Variants in MYT1L observed in about 807,000 individuals in gnomAD.
MYT1L encodes the protein myelin transcription factor 1 like.
Under a neutral mutation model 126.7 loss-of-function variants are expected in MYT1L, and 12 were observed. The observed-to-expected ratio is 0.09, with a 90% confidence interval of 0.06 to 0.15. The LOEUF (loss-of-function observed/expected upper bound fraction) is 0.15, where lower values mean the gene tolerates loss of function less well. MYT1L is among the 10% of genes least tolerant of loss of function. The probability of loss-of-function intolerance (pLI) is 1.00; values close to 1 mark genes in which losing one functional copy is unlikely to be tolerated. For missense variants in MYT1L, 979 were observed against 1,585.2 expected, an observed-to-expected ratio of 0.62 and a Z score of 6.49; for synonymous variants, 541 against 604.2, an observed-to-expected ratio of 0.90 and a Z score of 1.53.
intron 2 of MYT1L, among the ~76,000 whole-genome samples, chr2:2,241,179 A>T (rs551226924): frequency 6.6e-6 from 1 of 152,328 alleles, no homozygotes; most frequent in African/African-American, 2.4e-5. Context: ...CATAGGTGCT[A>T]TAACCGCACG....
intron 2 of MYT1L, among the ~76,000 whole-genome samples, chr2:2,196,398 A>G (rs953515652): frequency 6.6e-6 from 1 of 152,062 alleles, no homozygotes; most frequent in Non-Finnish European, 1.5e-5. Context: ...CCAGAGATAC[A>G]TGTAGACATG....
Position 1,806,587 on chromosome 2 carries a change from T to C in MYT1L, c.3172+2489A>G, listed in dbSNP as rs1184240772. 6.6e-6 allele frequency among the ~76,000 whole-genome samples: 1 copy of C among 152,174 alleles called. No individual in the cohort carries two copies. The highest frequency in any genetic ancestry group is 2.4e-5 in the African/African-American group (1 of 41,442). On this transcript the variant is annotated intron_variant, in intron 22 of 24. Transcript: ENST00000647738. The surrounding 1 kb of genome is among the most constrained non-coding windows in gnomAD (Gnocchi z 4.9). ...CCGAGTTAGCACCTGTTTTTGTGAA[T>C]TAACTCCTTGTGTGCAGCAGTAATA...
At chr2:1,896,938 T>A (rs1288591135) in intron 14 of MYT1L, among the ~76,000 whole-genome samples, 1 of 152,228 alleles carries the variant, frequency 6.6e-6, no homozygotes, top group Non-Finnish European at 1.5e-5. Context: ...AAAATGTAGA[T>A]GTGACGATGC....
chr2:2,298,053 C>T lies in MYT1L; in HGVS notation c.-520-13550G>A, dbSNP rs144867816. The stretch of plus-strand genomic sequence containing the variant: ...CACAAAATACCCTTAACTTGCTCAG[C>T]CCCTGGTGCCCTAACAAAGCTATGC... On this transcript the variant is annotated intron_variant, in intron 1 of 24. Coordinates refer to ENST00000647738, the MANE Select transcript of MYT1L (RefSeq NM_001303052.2). Among the ~76,000 whole-genome samples, 1,202 of 152,352 alleles carry T rather than the reference C, an allele frequency of 7.9e-3. 11 individuals carry two copies. Among genetic ancestry groups the T allele is most frequent in the South Asian group, 0.029 (139 of 4,822 alleles).
Position 1,910,196 on chromosome 2 carries a change from A to C in MYT1L, c.1817+44T>G. Reference sequence around the variant, plus strand: ...TCCCCAGCGCTCCGAGGTGTGGGGCAGACTATGGATAGAGCTCACGGATGG... The same window carrying C: ...TCCCCAGCGCTCCGAGGTGTGGGGCCGACTATGGATAGAGCTCACGGATGG... On this transcript the variant is annotated intron_variant, in intron 13 of 24. Coordinates refer to ENST00000647738, the MANE Select transcript of MYT1L (RefSeq NM_001303052.2). This position sits in a 1 kb window ranked among gnomAD's most constrained non-coding sequence, Gnocchi z 4.8. 1 of 1,560,298 alleles carries C rather than the reference A, an allele frequency of 6.4e-7. No individual in the cohort carries two copies. Among genetic ancestry groups the C allele is most frequent in the Non-Finnish European group, 8.8e-7 (1 of 1,135,856 alleles).
chr2:2,313,257 GCT>G (rs1470418729), intron 1 of MYT1L, among the ~76,000 whole-genome samples: 2 of 140,418 alleles, frequency 1.4e-5, no homozygotes, highest in Non-Finnish European at 3.2e-5. Context: ...GAAGATCTCA[GCT>G]GATAAAAAAA....
chr2:1,971,592 G>A (rs1298236052), intron 8 of MYT1L, among the ~76,000 whole-genome samples: 3 of 152,092 alleles, frequency 2.0e-5, no homozygotes, highest in African/African-American at 4.8e-5. Flanking sequence ...TTAGCCAGGC[G>A]TGGTGGCATG....
intron 3 of MYT1L, among the ~76,000 whole-genome samples, chr2:2,095,562 G>A (rs919965635): frequency 1.3e-5 from 2 of 151,710 alleles, no homozygotes; most frequent in South Asian, 2.1e-4. Context: ...CTGTGGCCGC[G>A]GGGGGTCACT....
chr2:1,809,358 G>A (rs1414363320), intron 21 of MYT1L, among the ~76,000 whole-genome samples, 191 bp from the exon 22 acceptor site: 1 of 152,200 alleles, frequency 6.6e-6, no homozygotes, highest in Non-Finnish European at 1.5e-5. Context: ...GTGCATGTGT[G>A]TGCACTCATG....
chr2:1,979,818 T>C lies in MYT1L; in HGVS notation c.1-41A>G, dbSNP rs1195239060. ...CAGCCATCAATGTGCTTATCCTGCC[T>C]GTGCAGGCCAGCCCTGCAGGGGCGG... On this transcript the variant is annotated intron_variant, in intron 5 of 24. Coordinates refer to ENST00000647738, the MANE Select transcript of MYT1L (RefSeq NM_001303052.2). This position sits in a 1 kb window ranked among gnomAD's most constrained non-coding sequence, Gnocchi z 4.0. 19 of 1,605,456 alleles carry C rather than the reference T, an allele frequency of 1.2e-5. No homozygotes were observed. In the Admixed American group the frequency reaches 3.0e-4, roughly 25 times the overall value.
At chr2:2,080,976 A>C (rs1325188883) in intron 3 of MYT1L, among the ~76,000 whole-genome samples, 2 of 152,220 alleles carry the variant, frequency 1.3e-5, no homozygotes, top group African/African-American at 4.8e-5. Flanking sequence ...AGAGACAAAA[A>C]GTGGACTGTA....
At position 1,848,341 on chromosome 2, in the gene MYT1L, A is replaced by T. The variant is rs1308073563; in HGVS notation, c.2774+3300T>A. Among the ~76,000 whole-genome samples, 1 of 65,868 alleles carries T rather than the reference A, an allele frequency of 1.5e-5. No individual in the cohort carries two copies. The highest frequency in any genetic ancestry group is 2.9e-5 in the Non-Finnish European group (1 of 34,868). The allele number at this position is 65,868 out of a possible 152,430, so 43.2% of individuals were successfully genotyped here. A position where few individuals can be genotyped will look rare whatever the true frequency, so the allele number is the denominator to read the frequency against. ...GAGGAAGAATTCCAGACACCACGGA[A>T]GCGCGAGGCGTTTGTCCTGGGAGCA... On this transcript the variant is annotated intron_variant, in intron 19 of 24. Transcript: ENST00000647738. The surrounding 1 kb of genome is among the most constrained non-coding windows in gnomAD (Gnocchi z 4.8).
intron 2 of MYT1L, among the ~76,000 whole-genome samples, chr2:2,257,315 AC>A (rs1265153631): frequency 6.6e-6 from 1 of 152,172 alleles, no homozygotes; most frequent in African/African-American, 2.4e-5. Context: ...GAAATGACTG[AC>A]GGTTTTCTCT....
intron 5 of MYT1L, among the ~76,000 whole-genome samples, chr2:1,987,769 C>T (rs972949748): frequency 1.3e-5 from 2 of 152,150 alleles, no homozygotes; most frequent in South Asian, 2.1e-4. Flanking sequence ...AGAAGCCAGA[C>T]CTCAGTTGAT....
At chr2:2,068,091 T>G (rs1194342045) in intron 3 of MYT1L, among the ~76,000 whole-genome samples, 1 of 152,090 alleles carries the variant, frequency 6.6e-6, no homozygotes, top group African/African-American at 2.4e-5. Flanking sequence ...CGGGGCCTGC[T>G]CACACGTGAA....
chr2:1,885,795 C>A (rs978478679), intron 18 of MYT1L, among the ~76,000 whole-genome samples: 1 of 152,186 alleles, frequency 6.6e-6, no homozygotes, highest in African/African-American at 2.4e-5. Flanking sequence ...TGCACCTGCA[C>A]GTATGCTCTC....
chr2:2,267,267 G>C (rs191181561), intron 2 of MYT1L, among the ~76,000 whole-genome samples: 1 of 152,276 alleles, frequency 6.6e-6, no homozygotes, highest in Admixed American at 6.5e-5. Flanking sequence ...CTTTGGCCTC[G>C]CAGTCTCCCT....
At chr2:2,233,136 T>A (rs955361455) in intron 2 of MYT1L, among the ~76,000 whole-genome samples, 1 of 152,184 alleles carries the variant, frequency 6.6e-6, no homozygotes, top group African/African-American at 2.4e-5. Context: ...ATGAATAATA[T>A]ACACATTTTT....
At chr2:2,322,323 A>G (rs2096181624) in intron 1 of MYT1L, among the ~76,000 whole-genome samples, 1 of 152,060 alleles carries the variant, frequency 6.6e-6, no homozygotes, top group South Asian at 2.1e-4. Flanking sequence ...TTGGACTAAT[A>G]TCTTGGAATC....
Sources: allele counts gnomAD v4.1 joint callset (sites outside exome capture counted in the v4.1 genomes callset), GRCh38; gene constraint gnomAD v4.1.1; non-coding constraint Gnocchi (gnomAD v3.1); transcripts MANE v1.5; gene names NCBI Gene and HGNC (gene_info 2026-07-23, HGNC 2026-07-21).